The following FADS3 variants were observed in gnomAD, a reference collection of about 807,000 sequenced individuals.
The protein encoded by FADS3 is cytochrome b5-related protein.
FADS3 carries 30 observed loss-of-function variants against 60.4 expected under a neutral mutation model. That is an observed-to-expected ratio of 0.50 (90% CI 0.37 to 0.67). The LOEUF (loss-of-function observed/expected upper bound fraction) is 0.67, where lower values mean the gene tolerates loss of function less well. Ranked by LOEUF, FADS3 falls within the 30% of genes least tolerant of loss-of-function variation. The probability of loss-of-function intolerance (pLI) is 0.00; values close to 1 mark genes in which losing one functional copy is unlikely to be tolerated. For missense variants in FADS3, 432 were observed against 598.3 expected, an observed-to-expected ratio of 0.72 and a Z score of 2.90; for synonymous variants, 234 against 249.3, an observed-to-expected ratio of 0.94 and a Z score of 0.58.
chr11:61,873,745 T>A lies in FADS3; in HGVS notation c.*69A>T. On this transcript the variant is annotated 3_prime_UTR_variant, in exon 12 of 12. Transcript: ENST00000278829. ...GCTGGCCAGTGGAGGGGTGAGGGTATCGATCCCGCCGGGGGCTGGCTTGGT... is the reference window on the plus strand; with the variant it reads ...GCTGGCCAGTGGAGGGGTGAGGGTAACGATCCCGCCGGGGGCTGGCTTGGT... The A allele has an allele frequency of 8.5e-7, 1 of 1,182,292 alleles. No individual in the cohort carries two copies. The highest frequency in any genetic ancestry group is 1.2e-6 in the Non-Finnish European group (1 of 806,264). 73.2% of individuals were successfully genotyped at this position (1,182,292 alleles called of 1,614,324 possible). A position where few individuals can be genotyped will look rare whatever the true frequency, so the allele number is the denominator to read the frequency against.
Position 61,891,526 on chromosome 11 carries a change from G to T in FADS3, c.-145C>A. 8.7e-6 allele frequency: 4 copies of T among 461,670 alleles called. No individual in the cohort carries two copies. Among genetic ancestry groups the T allele is most frequent in the South Asian group, 1.0e-4 (1 of 9,526 alleles). The allele number at this position is 461,670 out of a possible 1,614,324, so 28.6% of individuals were successfully genotyped here. ...CTGCCGCCGCGGCCGCCGTACGAGC[G>T]AGCGTGCGCCTCCCGGCTCGCGGCG... On this transcript the variant is annotated 5_prime_UTR_variant, in exon 1 of 12. Transcript: ENST00000278829.
rs1051778381 is a variant in FADS3, at chr11:61,880,072, G to A, written c.293C>T (p.Pro98Leu). 1.9e-5 allele frequency: 31 copies of A among 1,614,062 alleles called. 1 individual carries two copies. The Middle Eastern group carries it at 2.3e-3, about 120-fold the overall frequency. The change falls in exon 2 of 12, where the codon CCG (proline) becomes CTG (leucine). Residue 98 changes from proline to leucine, a missense_variant. By Grantham distance (98) the Pro-to-Leu change is moderately conservative (BLOSUM62 -3). Coordinates refer to ENST00000278829, the MANE Select transcript of FADS3 (RefSeq NM_021727.5). ...GGGTCCATCCTGGCTGGGTTCTTCCGGAGCCAGCTCTCCAATCAACAGGGG... is the reference window on the plus strand; with the variant it reads ...GGGTCCATCCTGGCTGGGTTCTTCCAGAGCCAGCTCTCCAATCAACAGGGG... ...LQPLLIGELA[P>L]EEPSQDGPLN...
upstream of FADS3, chr11:61,891,990 G>T (rs984808091): frequency 6.6e-6 from 1 of 152,284 alleles, no homozygotes; most frequent in African/African-American, 2.4e-5. Context: ...CCCAGAGGGG[G>T]GACGCTGTCT....
chr11:61,874,324 G>A (rs937960228), intron 11 of FADS3, among the ~76,000 whole-genome samples: 1 of 152,230 alleles, frequency 6.6e-6, no homozygotes, highest in Admixed American at 6.5e-5. Flanking sequence ...AATGGCAGGG[G>A]CTCAGAGCAT....
At position 61,877,323 on chromosome 11, in the gene FADS3, G is replaced by A. The variant is rs900679793; in HGVS notation, c.885+188C>T. 2.0e-6 allele frequency: 1 copy of A among 494,258 alleles called. No homozygotes were observed. The highest frequency in any genetic ancestry group is 2.4e-5 in the South Asian group (1 of 41,630). 30.6% of individuals were successfully genotyped at this position (494,258 alleles called of 1,614,324 possible). ...TCAACCCCCCCCCACCACACGTACA[G>A]TCACGGGCACACTCGCTCTCCTGCT... is the stretch of plus-strand genomic sequence containing the variant. On this transcript the variant is annotated intron_variant, in intron 7 of 11. Coordinates refer to ENST00000278829, the MANE Select transcript of FADS3 (RefSeq NM_021727.5). This position sits in a 1 kb window ranked among gnomAD's most constrained non-coding sequence, Gnocchi z 4.7.
chr11:61,877,639 G>T lies in FADS3; in HGVS notation c.809-52C>A, dbSNP rs1937957283. On this transcript the variant is annotated intron_variant, in intron 6 of 11. Transcript: ENST00000278829. The surrounding 1 kb of genome is among the most constrained non-coding windows in gnomAD (Gnocchi z 4.7). ...AGGAGTGGGGCTGGGCTGCCAAGGT[G>T]AGTGGGCGCCAGAGTGAGGGGCTCT... 1 of 1,539,668 alleles carries T rather than the reference G, an allele frequency of 6.5e-7. No homozygotes were observed. The highest frequency in any genetic ancestry group is 1.1e-5 in the South Asian group (1 of 87,806).
At chr11:61,878,471 G>A (rs372141360) in intron 5 of FADS3, 41 bp downstream of exon 5, 113 of 1,602,266 alleles carry the variant, frequency 7.1e-5, no homozygotes, top group Non-Finnish European at 9.2e-5. Flanking sequence ...CCCCTCAGCT[G>A]CAGGCCCAGC....
chr11:61,879,367 A>C lies in FADS3; in HGVS notation c.467T>G (p.Leu156Arg), dbSNP rs1938035463. ...EVLAWLLIYL[L>R]GPGWVPSALA... ...GGCACTGGGCACCCAGCCAGGACCC[A>C]GGAGGTAGATAAGGAGCCAGGCCAG... is the stretch of plus-strand genomic sequence containing the variant. The change falls in exon 3 of 12, where the codon CTG becomes CGG. Residue 156 changes from leucine (L) to arginine (R), a missense_variant. By Grantham distance (102) the Leu-to-Arg change is moderately radical. Coordinates refer to ENST00000278829, the MANE Select transcript of FADS3 (RefSeq NM_021727.5). 1.3e-6 allele frequency: 2 copies of C among 1,566,616 alleles called. No homozygotes were observed. The highest frequency in any genetic ancestry group is 2.7e-5 in the African/African-American group (2 of 74,164).
intron 1 of FADS3, among the ~76,000 whole-genome samples, chr11:61,887,923 T>C (rs1488325155): frequency 6.6e-6 from 1 of 152,220 alleles, no homozygotes; most frequent in Non-Finnish European, 1.5e-5. Flanking sequence ...ATCTGTCAAG[T>C]GGCAATAACA....
At position 61,875,913 on chromosome 11, in the gene FADS3, A is replaced by C; in HGVS notation, c.1224T>G (p.Cys408Trp). Residue 408 changes from cysteine to tryptophan, a missense_variant, in exon 11 of 12, where the codon TGT (cysteine) becomes TGG (tryptophan). By Grantham distance (215) the Cys-to-Trp change is radical. Around this residue, in one of 5 missense-constraint regions of FADS3, gnomAD observed 63 missense variants for 64.5 expected, o/e 0.98. Coordinates refer to ENST00000278829, the MANE Select transcript of FADS3 (RefSeq NM_021727.5). ...CTTCGTAGCTGAGGCCGTGCTTGGCACACAGCGACTTGACCAGCGGGGCCA... is the reference window on the plus strand; with the variant it reads ...CTTCGTAGCTGAGGCCGTGCTTGGCCCACAGCGACTTGACCAGCGGGGCCA... ...SRVAPLVKSL[C>W]AKHGLSYEVK... The C allele has an allele frequency of 6.2e-7, 1 of 1,613,834 alleles. No individual in the cohort carries two copies. The highest frequency in any genetic ancestry group is 8.5e-7 in the Non-Finnish European group (1 of 1,180,038).
In FADS3 at chr11:61,879,273, T is replaced by C. The variant is rs754286357; in HGVS notation, c.522+39A>G. ...CAGATGCATGGGGGCCCACGTCTGT[T>C]GGGCAGTTAAGGTGGCTGCAACACA... On this transcript the variant is annotated intron_variant, in intron 3 of 11. Transcript: ENST00000278829. 9.1e-6 allele frequency: 14 copies of C among 1,533,490 alleles called. No individual in the cohort carries two copies. In the South Asian group the frequency reaches 1.6e-4, roughly 17 times the overall value. The allele number at this position is 1,533,490 out of a possible 1,614,324, so 95.0% of individuals were successfully genotyped here.
chr11:61,892,133 G>A (rs1938545047), upstream of FADS3: 1 of 152,402 alleles, frequency 6.6e-6, no homozygotes, highest in South Asian at 2.1e-4. Context: ...GCAGGGCTGG[G>A]GATGCCCAGG....
intron 6 of FADS3, 81 bp downstream of exon 6, chr11:61,878,074 G>A (rs908138568): frequency 6.2e-6 from 8 of 1,293,970 alleles, no homozygotes; most frequent in African/African-American, 2.9e-5. Context: ...CCAGGAAGTG[G>A]CTGGGAGTGG....
rs1386003731 is a variant in FADS3 at position 61,877,366 on chromosome 11, C to A, written c.885+145G>T. On this transcript the variant is annotated intron_variant, in intron 7 of 11. Transcript: ENST00000278829. This position sits in a 1 kb window ranked among gnomAD's most constrained non-coding sequence, Gnocchi z 4.7. ...CTCCTGCTGCGCGCACACATGTGAG[C>A]CACACTGTTGCACGCATACATGTGA... 2 of 635,082 alleles carry A rather than the reference C, an allele frequency of 3.1e-6. No homozygotes were observed. The highest frequency in any genetic ancestry group is 1.8e-5 in the African/African-American group (1 of 55,310). The allele number at this position is 635,082 out of a possible 1,614,324, so 39.3% of individuals were successfully genotyped here. A position where few individuals can be genotyped will look rare whatever the true frequency, so the allele number is the denominator to read the frequency against.
At chr11:61,878,891 C>T (rs1354020863) in intron 3 of FADS3, 44 bp from the exon 4 acceptor site, 3 of 1,575,032 alleles carry the variant, frequency 1.9e-6, no homozygotes, top group Non-Finnish European at 2.6e-6. Context: ...AAGGACGGAG[C>T]CCGCCAGGGC....
chr11:61,883,724 T>C (rs1938215372), intron 1 of FADS3, among the ~76,000 whole-genome samples: 1 of 152,172 alleles, frequency 6.6e-6, no homozygotes. Context: ...TGGGTCCAGA[T>C]TGGTCTCCTC....
At position 61,876,748 on chromosome 11, in the gene FADS3, A is replaced by G. The variant is rs1347002933; in HGVS notation, c.983+118T>C. 1 of 877,698 alleles carries G rather than the reference A, an allele frequency of 1.1e-6. No individual in the cohort carries two copies. The highest frequency in any genetic ancestry group is 1.9e-6 in the Non-Finnish European group (1 of 539,340). 54.4% of individuals were successfully genotyped at this position (877,698 alleles called of 1,614,324 possible). A position where few individuals can be genotyped will look rare whatever the true frequency, so the allele number is the denominator to read the frequency against. On this transcript the variant is annotated intron_variant, in intron 8 of 11. Transcript: ENST00000278829. This position sits in a 1 kb window ranked among gnomAD's most constrained non-coding sequence, Gnocchi z 5.7. ...TTGTGTTTATGTGATTCCACCAGCA[A>G]GCCAGGGAGGCAGTACCACTGGCCC... is the stretch of plus-strand genomic sequence containing the variant.
Position 61,891,471 on chromosome 11 carries a change from T to TCCGCCGCCGCCC in FADS3, c.-102_-91dup, listed in dbSNP as rs1555083887. 3.3e-6 allele frequency: 3 copies of TCCGCCGCCGCCC among 920,878 alleles called. No individual in the cohort carries two copies. The South Asian group carries it at 1.2e-4, about 38-fold the overall frequency. 57.0% of individuals were successfully genotyped at this position (920,878 alleles called of 1,614,324 possible). ...GCGAAGAGCGCTCCCGGGCGCCGCC[T>TCCGCCGCCGCCC]CCGCCGCCGCCCGCTGCTCCGGCCC... On this transcript the variant is annotated 5_prime_UTR_variant, in exon 1 of 12. Coordinates refer to ENST00000278829, the MANE Select transcript of FADS3 (RefSeq NM_021727.5).
In FADS3 at chr11:61,891,451, G is replaced by A; in HGVS notation, c.-70C>T. 1 of 1,156,926 alleles carries A rather than the reference G, an allele frequency of 8.6e-7. No individual in the cohort carries two copies. Among genetic ancestry groups the A allele is most frequent in the Non-Finnish European group, 1.1e-6 (1 of 905,186 alleles). 71.7% of individuals were successfully genotyped at this position (1,156,926 alleles called of 1,614,324 possible). A position where few individuals can be genotyped will look rare whatever the true frequency, so the allele number is the denominator to read the frequency against. On this transcript the variant is annotated 5_prime_UTR_variant, in exon 1 of 12. Coordinates refer to ENST00000278829, the MANE Select transcript of FADS3 (RefSeq NM_021727.5). ...CGAGCAAGACCCCGAGGGAAGCGAA[G>A]AGCGCTCCCGGGCGCCGCCTCCGCC... is the stretch of plus-strand genomic sequence containing the variant.
Sources: allele counts gnomAD v4.1 joint callset (sites outside exome capture counted in the v4.1 genomes callset), GRCh38; gene constraint gnomAD v4.1.1; regional missense constraint gnomAD v4.1.1; non-coding constraint Gnocchi (gnomAD v3.1); transcripts MANE v1.5; gene names NCBI Gene and HGNC (gene_info 2026-07-23, HGNC 2026-07-21).